The following MLXIPL variants were observed in gnomAD, a reference collection of about 807,000 sequenced individuals.
The protein encoded by MLXIPL is MLX interacting protein like, also known as carbohydrate-responsive element-binding protein.
In MLXIPL, 49 loss-of-function variants were observed where a neutral mutation model predicts 81.5. The observed-to-expected ratio is 0.60, with a 90% CI of 0.48 to 0.76. The LOEUF is 0.76. MLXIPL is among the 30% of genes least tolerant of loss of function. The pLI is 0.00. For synonymous variants in MLXIPL, 466 were observed against 485.5 expected, an observed-to-expected ratio of 0.96 and a Z score of 0.53; for missense variants, 1,053 against 1,167.0, an observed-to-expected ratio of 0.90 and a Z score of 1.42.
Position 73,596,710 on chromosome 7 carries a change from G to T in MLXIPL, c.1751C>A (p.Pro584Gln). 2 of 1,589,830 alleles carry T rather than the reference G, an allele frequency of 1.3e-6. No individual in the cohort carries two copies. Among genetic ancestry groups the T allele is most frequent in the Non-Finnish European group, 1.7e-6 (2 of 1,168,510 alleles). ...APTPPRPPPG[P>Q]ATLAPSRPLL... is the part of the protein sequence containing the mutation. ...GGGCCTGGAAGGGGCCAATGTGGCCGGGCCTGGAGGTGGCCGGGGCGGTGT... is the reference window on the plus strand; with the variant it reads ...GGGCCTGGAAGGGGCCAATGTGGCCTGGCCTGGAGGTGGCCGGGGCGGTGT... Residue 584 changes from proline (P) to glutamine (Q), a missense_variant, in exon 11 of 17, where the codon CCG (proline) becomes CAG (glutamine). Transcript: ENST00000313375. This position sits in a 1 kb window ranked among gnomAD's most constrained non-coding sequence, Gnocchi z 4.7.
At chr7:73,637,454 G>C in the MLXIPL span, among the ~76,000 whole-genome samples, 26 of 151,026 alleles carry the variant, frequency 1.7e-4, no homozygotes. Context: ...CAGCCTGAGT[G>C]ACAGAGTGAG....
rs782724589 is a variant in MLXIPL at position 73,607,572 on chromosome 7, G to A, written c.483+18C>T. 15 of 1,611,592 alleles carry A rather than the reference G, an allele frequency of 9.3e-6. No individual in the cohort carries two copies. Among genetic ancestry groups the A allele is most frequent in the African/African-American group, 8.0e-5 (6 of 74,890 alleles). On this transcript the variant is annotated intron_variant, in intron 3 of 16. Coordinates refer to ENST00000313375, the MANE Select transcript of MLXIPL (RefSeq NM_032951.3). ...TGGGCAGGTGGGCAGGTGGGCAGGCGGTCCAGAACCCAGCTACCTCCGGCT... is the reference window on the plus strand; with the variant it reads ...TGGGCAGGTGGGCAGGTGGGCAGGCAGTCCAGAACCCAGCTACCTCCGGCT...
At chr7:73,646,045 C>T in the MLXIPL span, among the ~76,000 whole-genome samples, 8 of 152,324 alleles carry the variant, frequency 5.3e-5, no homozygotes, top group Non-Finnish European at 1.2e-4. Context: ...TCTCTTCCCT[C>T]CTCTGCCCCA....
At position 73,596,952 on chromosome 7, in the gene MLXIPL, T is replaced by C. The variant is rs1554594391; in HGVS notation, c.1604-20A>G. 1 of 1,602,658 alleles carries C rather than the reference T, an allele frequency of 6.2e-7. No individual in the cohort carries two copies. On this transcript the variant is annotated intron_variant, in intron 9 of 16. Coordinates refer to ENST00000313375, the MANE Select transcript of MLXIPL (RefSeq NM_032951.3). The surrounding 1 kb of genome is among the most constrained non-coding windows in gnomAD (Gnocchi z 4.7). ...GCTTAGCTGTGCACGGGCAGAACCGTGAGGCTACTGGGGCTGGCCCACCCC... is the reference window on the plus strand; with the variant it reads ...GCTTAGCTGTGCACGGGCAGAACCGCGAGGCTACTGGGGCTGGCCCACCCC...
chr7:73,616,111 G>T lies in MLXIPL; in HGVS notation c.360C>A (p.Ile120=), dbSNP rs782733609. The T allele has an allele frequency of 6.2e-7, 1 of 1,614,076 alleles. No homozygotes were observed. Among genetic ancestry groups the T allele is most frequent in the South Asian group, 1.1e-5 (1 of 91,076 alleles). Residue 120 remains isoleucine, a synonymous_variant, in exon 2 of 17, where the codon ATC becomes ATA. Transcript: ENST00000313375. ...KGLKLLCRDK[I]RLNNAIWRAW... is the part of the protein sequence containing the mutation. Reference sequence around the variant, plus strand: ...CCCTCCAGATGGCGTTGTTCAGGCGGATCTTGTCTCTGCAGAGCAGCTTGA... The same window carrying T: ...CCCTCCAGATGGCGTTGTTCAGGCGTATCTTGTCTCTGCAGAGCAGCTTGA...
rs782478071 is a variant in MLXIPL at position 73,595,685 on chromosome 7, A to G, written c.2262T>C (p.Phe754=). 1 of 1,614,158 alleles carries G rather than the reference A, an allele frequency of 6.2e-7. No individual in the cohort carries two copies. Among genetic ancestry groups the G allele is most frequent in the South Asian group, 1.1e-5 (1 of 91,084 alleles). ...HQRFDQMRDM[F]DDYVRTRTLH... ...GCGTACGGGTTCGGACGTAGTCATCAAACATGTCTCGCATCTGGTCAAAAC... is the reference window on the plus strand; with the variant it reads ...GCGTACGGGTTCGGACGTAGTCATCGAACATGTCTCGCATCTGGTCAAAAC... Residue 754 remains phenylalanine (F), a synonymous_variant, in exon 15 of 17, where the codon TTT becomes TTC. Coordinates refer to ENST00000313375, the MANE Select transcript of MLXIPL (RefSeq NM_032951.3).
In MLXIPL at chr7:73,608,757, C is replaced by A. The variant is rs375567956; in HGVS notation, c.401-1085G>T. 1.3e-4 allele frequency among the ~76,000 whole-genome samples: 20 copies of A among 152,232 alleles called. No individual in the cohort carries two copies. The East Asian group carries it at 2.9e-3, about 22-fold the overall frequency. On this transcript the variant is annotated intron_variant, in intron 2 of 16. Coordinates refer to ENST00000313375, the MANE Select transcript of MLXIPL (RefSeq NM_032951.3). ...CCTCTTCCAGGCCTCCACCTCCCCT[C>A]CCAGTCTCTAATTCTGACCTCTCCC...
rs1345607236 is a variant in MLXIPL, at chr7:73,597,330, C to T, written c.1455G>A (p.Gly485=). 4.5e-6 allele frequency: 7 copies of T among 1,551,266 alleles called. No homozygotes were observed. The Admixed American group carries it at 1.1e-4, about 25-fold the overall frequency. The change falls in exon 9 of 17, where the codon GGG becomes GGA. Residue 485 remains glycine (G), a synonymous_variant. Coordinates refer to ENST00000313375, the MANE Select transcript of MLXIPL (RefSeq NM_032951.3). ...LPLGYSEPAF[G]PCFSMPRGKP... Reference sequence around the variant, plus strand: ...TGCCTCTGGGCATGGAGAAGCAAGGCCCAAAGGCAGGCTCCGAATACCCCA... The same window carrying T: ...TGCCTCTGGGCATGGAGAAGCAAGGTCCAAAGGCAGGCTCCGAATACCCCA...
the MLXIPL span, among the ~76,000 whole-genome samples, chr7:73,632,743 T>C: frequency 1.5e-3 from 203 of 133,940 alleles, no homozygotes; most frequent in Middle Eastern, 3.6e-3. Flanking sequence ...TCCTTCCTTC[T>C]TTCCTTCCTT....
chr7:73,634,664 G>T, the MLXIPL span, among the ~76,000 whole-genome samples: 9 of 151,744 alleles, frequency 5.9e-5, no homozygotes, highest in South Asian at 1.9e-3. Flanking sequence ...CAAAGTGCCG[G>T]GATTACAAGC....
chr7:73,606,351 T>A, intron 5 of MLXIPL: 1 of 577,768 alleles, frequency 1.7e-6, no homozygotes, highest in Non-Finnish European at 3.1e-6. Flanking sequence ...TTCCTGCTCT[T>A]TAGATTTTTT....
At chr7:73,634,379 T>C in the MLXIPL span, among the ~76,000 whole-genome samples, 3 of 151,910 alleles carry the variant, frequency 2.0e-5, no homozygotes, top group Non-Finnish European at 4.4e-5. Context: ...AATAAATAAA[T>C]AATTATTTAC....
chr7:73,604,242 A>G (rs1419033618), intron 7 of MLXIPL, among the ~76,000 whole-genome samples: 1 of 144,186 alleles, frequency 6.9e-6, no homozygotes, highest in African/African-American at 2.6e-5. Context: ...AAAAAAAAAA[A>G]AGCTTTACAA....
intron 5 of MLXIPL, chr7:73,606,656 C>G: frequency 2.6e-6 from 1 of 383,528 alleles, no homozygotes; most frequent in East Asian, 6.0e-5. Context: ...GAACTCCTGA[C>G]CTCAGATGAC....
At chr7:73,625,541 G>A (rs1796690344), upstream of MLXIPL, among the ~76,000 whole-genome samples, 1 of 152,150 alleles carries the variant, frequency 6.6e-6, no homozygotes. Flanking sequence ...TGGGTCACTT[G>A]AGGCCAGGAG....
At chr7:73,619,833 G>A (rs1554601601) in intron 1 of MLXIPL, among the ~76,000 whole-genome samples, 1 of 150,616 alleles carries the variant, frequency 6.6e-6, no homozygotes, top group African/African-American at 2.4e-5. Flanking sequence ...GGGAGGCTGA[G>A]GCAGGAGAAT....
intron 1 of MLXIPL, among the ~76,000 whole-genome samples, chr7:73,619,272 C>T (rs766992165): frequency 2.6e-5 from 4 of 151,700 alleles, no homozygotes; most frequent in Admixed American, 6.6e-5. Flanking sequence ...ATCAGCCTGG[C>T]TAACAACGTG....
At chr7:73,637,475 G>GAA in the MLXIPL span, among the ~76,000 whole-genome samples, 1 of 136,618 alleles carries the variant, frequency 7.3e-6, no homozygotes, top group African/African-American at 2.7e-5. Flanking sequence ...ACTCTGTCTG[G>GAA]AAAAAAAAAA....
the MLXIPL span, among the ~76,000 whole-genome samples, chr7:73,633,775 T>C: frequency 6.6e-6 from 1 of 152,090 alleles, no homozygotes; most frequent in Non-Finnish European, 1.5e-5. Flanking sequence ...AGTTTGATGG[T>C]GCCCTAAACA....
Sources: allele counts gnomAD v4.1 joint callset (sites outside exome capture counted in the v4.1 genomes callset), GRCh38; gene constraint gnomAD v4.1.1; non-coding constraint Gnocchi (gnomAD v3.1); transcripts MANE v1.5; gene names NCBI Gene and HGNC (gene_info 2026-07-23, HGNC 2026-07-21).